The following ANO3 variants were observed in gnomAD, a reference collection of about 807,000 sequenced individuals.
ANO3 encodes anoctamin 3.
In ANO3, 99 loss-of-function variants were observed where a neutral mutation model predicts 144.8. That is an observed-to-expected ratio of 0.68 (90% CI 0.58 to 0.81). The LOEUF is 0.81. Among genes scored for constraint, ANO3 ranks in the 30% least tolerant of loss-of-function variants. ANO3 has a pLI of 0.00. For missense variants in ANO3, 905 were observed against 1,202.2 expected (o/e 0.75, Z 3.66); for synonymous variants, 414 against 392.6 (o/e 1.05, Z -0.64).
intron 1 of ANO3, among the ~76,000 whole-genome samples, chr11:26,296,666 T>C (rs1050413408): frequency 8.5e-5 from 13 of 152,212 alleles, no homozygotes; most frequent in Non-Finnish European, 1.3e-4. Context: ...ACATGGGAGA[T>C]ACTTCTATTA....
intron 1 of ANO3, among the ~76,000 whole-genome samples, chr11:26,204,117 C>T (rs1180403603): frequency 2.6e-5 from 4 of 151,934 alleles, no homozygotes; most frequent in Admixed American, 6.6e-5. Flanking sequence ...TGGAGACTTT[C>T]CCTGATCAAA....
chr11:26,296,953 C>T (rs1337537685), intron 1 of ANO3, among the ~76,000 whole-genome samples: 1 of 152,028 alleles, frequency 6.6e-6, no homozygotes, highest in African/African-American at 2.4e-5. Context: ...CTCTAGGGTA[C>T]TCCAGTCAAT....
rs368939030 is a variant in ANO3 at position 26,442,118 on chromosome 11, C to T, written c.241+6C>T. The T allele has an allele frequency of 6.2e-7, 1 of 1,605,060 alleles. No individual in the cohort carries two copies. The highest frequency in any genetic ancestry group is 1.3e-5 in the African/African-American group (1 of 74,538). ...CACTGACAAAGCAGAGCAAGGTGAG[C>T]AGCAATTCCTATTTTCTTGTTCAAT... On this transcript the variant is annotated splice_donor_region_variant and intron_variant, in intron 2 of 26. Transcript: ENST00000256737.
At chr11:26,528,845 C>A (rs940702568) in intron 7 of ANO3, among the ~76,000 whole-genome samples, 8 of 151,420 alleles carry the variant, frequency 5.3e-5, no homozygotes, top group African/African-American at 1.7e-4. Flanking sequence ...ATCAACCTCT[C>A]CAATGAGGTG....
intron 1 of ANO3, among the ~76,000 whole-genome samples, chr11:26,355,251 C>G (rs1198341767): frequency 6.6e-6 from 1 of 151,948 alleles, no homozygotes; most frequent in Non-Finnish European, 1.5e-5. Flanking sequence ...ATTTTTTGAG[C>G]CTTTGCATAT....
chr11:26,447,152 A>G (rs1370866086), intron 3 of ANO3, among the ~76,000 whole-genome samples: 1 of 129,692 alleles, frequency 7.7e-6, no homozygotes, highest in Non-Finnish European at 1.6e-5. Flanking sequence ...GGCTACAGTG[A>G]GCTATGATCA....
chr11:26,480,842 A>G (rs2134087779), intron 4 of ANO3, among the ~76,000 whole-genome samples: 1 of 145,560 alleles, frequency 6.9e-6, no homozygotes, highest in Non-Finnish European at 1.6e-5. Flanking sequence ...AATAAATAAA[A>G]TAATTGAGCA....
rs1208829539 is a variant in ANO3, at chr11:26,647,818, A to T, written c.2538A>T (p.Lys846Asn). The change falls in exon 24 of 27, where the codon AAA becomes AAT. Residue 846 changes from lysine to asparagine, a missense_variant. This residue lies in a region of ANO3 where 597 missense variants were observed against 865.1 expected (regional missense o/e 0.69). Transcript: ENST00000256737. ...TCCCACGTTTTGTTTATGAATACAA[A>T]TATGGCCCCTGTGCAAATCATGTAG... ...DYIPRFVYEY[K>N]YGPCANHVEP... The T allele has an allele frequency of 6.2e-7, 1 of 1,613,602 alleles. No homozygotes were observed. Among genetic ancestry groups the T allele is most frequent in the East Asian group, 2.2e-5 (1 of 44,820 alleles).
chr11:26,226,356 A>T (rs984669292), intron 1 of ANO3, among the ~76,000 whole-genome samples: 1 of 152,064 alleles, frequency 6.6e-6, no homozygotes, highest in Non-Finnish European at 1.5e-5. Context: ...TATTTAAAAA[A>T]TTTTCCCTAG....
chr11:26,538,279 A>G (rs977574309), intron 10 of ANO3, among the ~76,000 whole-genome samples: 1 of 152,198 alleles, frequency 6.6e-6, no homozygotes, highest in African/African-American at 2.4e-5. Context: ...TGAGGTACAG[A>G]AAGGTTAGAT....
rs756381789 is a variant in ANO3 at position 26,542,115 on chromosome 11, G to T, written c.1154+47G>T. On this transcript the variant is annotated intron_variant, in intron 11 of 26. Transcript: ENST00000256737. ...TGAAAAGCAAAGTATTCTGTTTTGT[G>T]TCATTGTCTTAGACTTGGAATTATT... The T allele has an allele frequency of 6.3e-6, 10 of 1,580,772 alleles. No individual in the cohort carries two copies. The African/African-American group carries it at 1.4e-4, about 22-fold the overall frequency.
chr11:26,222,561 T>G (rs528470198), intron 1 of ANO3, among the ~76,000 whole-genome samples: 1 of 152,210 alleles, frequency 6.6e-6, no homozygotes, highest in Non-Finnish European at 1.5e-5. Flanking sequence ...ACTGCCTTAG[T>G]AGAGTATCTC....
At chr11:26,284,422 T>C (rs1853753703) in intron 1 of ANO3, among the ~76,000 whole-genome samples, 1 of 152,110 alleles carries the variant, frequency 6.6e-6, no homozygotes, top group African/African-American at 2.4e-5. Context: ...GATGTGGAGA[T>C]CAACTGGAAG....
chr11:26,504,990 C>T (rs1435409115), intron 4 of ANO3, among the ~76,000 whole-genome samples: 2 of 110,658 alleles, frequency 1.8e-5, no homozygotes, highest in Admixed American at 1.5e-4. Context: ...CCAGCCTAGG[C>T]GACAGAGCGA....
chr11:26,271,949 G>A (rs1853448486), intron 1 of ANO3, among the ~76,000 whole-genome samples: 2 of 152,100 alleles, frequency 1.3e-5, no homozygotes, highest in Non-Finnish European at 2.9e-5. Flanking sequence ...TTAGTATTGA[G>A]CATATACTCT....
At chr11:26,373,750 A>G (rs924693568) in intron 1 of ANO3, among the ~76,000 whole-genome samples, 11 of 152,196 alleles carry the variant, frequency 7.2e-5, no homozygotes, top group African/African-American at 2.7e-4. Flanking sequence ...GCATGCATGC[A>G]TCGTACATAG....
At chr11:26,563,106 T>C in intron 14 of ANO3, 7 of 1,610,618 alleles carry the variant, frequency 4.3e-6, no homozygotes, top group African/African-American at 1.3e-5. Flanking sequence ...GTATTGAAAA[T>C]AGATTTTACC....
At chr11:26,537,383 C>A in intron 9 of ANO3, 23 bp from the exon 10 acceptor site, 2 of 1,588,128 alleles carry the variant, frequency 1.3e-6, no homozygotes, top group Non-Finnish European at 1.7e-6. Flanking sequence ...AACTCAATAA[C>A]TGTCCTTTTC....
intron 1 of ANO3, among the ~76,000 whole-genome samples, chr11:26,398,502 T>G (rs973484893): frequency 5.3e-5 from 8 of 152,130 alleles, no homozygotes; most frequent in Non-Finnish European, 1.0e-4. Flanking sequence ...TTAAATATGA[T>G]TATTTACTAC....
Sources: gnomAD v4.1 joint callset for allele counts (sites outside exome capture counted in the v4.1 genomes callset) on GRCh38, gnomAD v4.1.1 for gene constraint, gnomAD v4.1.1 regional missense constraint, MANE v1.5 for transcripts, NCBI Gene and HGNC (gene_info 2026-07-23, HGNC 2026-07-21) for gene names.